Variants in B3GLCT observed in about 807,000 individuals in gnomAD.
B3GLCT encodes the protein beta-1,3-glucosyltransferase.
Under a neutral mutation model 63.4 loss-of-function variants are expected in B3GLCT, and 65 were observed. That is an observed-to-expected ratio of 1.03 (90% CI 0.84 to 1.26). The LOEUF (loss-of-function observed/expected upper bound fraction) is 1.26, where lower values mean the gene tolerates loss of function less well. B3GLCT is among the 50% of genes most tolerant of loss of function. The pLI is 0.00. For synonymous variants in B3GLCT, 233 were observed against 219.2 expected (o/e 1.06, Z -0.55); for missense variants, 577 against 604.8 (o/e 0.95, Z 0.48).
At chr13:31,327,637 A>T (rs1182846234) in intron 14 of B3GLCT, among the ~76,000 whole-genome samples, 2 of 152,134 alleles carry the variant, frequency 1.3e-5, no homozygotes, top group African/African-American at 4.8e-5. Context: ...AATTGAGAGG[A>T]TGTTTCTCCT....
chr13:31,215,991 T>C (rs866883231), intron 2 of B3GLCT, among the ~76,000 whole-genome samples: 3 of 152,200 alleles, frequency 2.0e-5, no homozygotes, highest in African/African-American at 7.2e-5. Context: ...AGGGAATGTC[T>C]CTAAATGTTT....
rs149901701 is a variant in B3GLCT, at chr13:31,211,463, T to A, written c.71-3588T>A. On this transcript the variant is annotated intron_variant, in intron 1 of 14. Transcript: ENST00000343307. ...TTGTTTTATGATTTGCTCCTACAAC[T>A]GAAAGTAACTCTGATGCATTTTTTA... Among the ~76,000 whole-genome samples the A allele has an allele frequency of 7.1e-4, 108 of 152,346 alleles. 1 individual carries two copies. Among genetic ancestry groups the A allele is most frequent in the African/African-American group, 2.5e-3 (105 of 41,578 alleles).
At chr13:31,316,407 T>TTATATATATATATATATATATA (rs71099949) in intron 12 of B3GLCT, among the ~76,000 whole-genome samples, 1,478 of 40,584 alleles carry the variant, frequency 0.036, 203 homozygotes, top group Non-Finnish European at 0.055. Context: ...TTTGGAGGTT[T>TTATATATATATATATATATATA]TATATATATA....
At chr13:31,253,792 A>T (rs1161873519) in intron 6 of B3GLCT, among the ~76,000 whole-genome samples, 1 of 152,016 alleles carries the variant, frequency 6.6e-6, no homozygotes, top group African/African-American at 2.4e-5. Context: ...TGCTAGCCAG[A>T]CTAATAAAGA....
chr13:31,263,066 G>A (rs1872119369), intron 7 of B3GLCT, among the ~76,000 whole-genome samples: 1 of 152,170 alleles, frequency 6.6e-6, no homozygotes, highest in African/African-American at 2.4e-5. Context: ...GAGGAAACCA[G>A]TGGGCCCAGG....
At chr13:31,250,901 C>G (rs1269694195) in intron 6 of B3GLCT, among the ~76,000 whole-genome samples, 2 of 152,152 alleles carry the variant, frequency 1.3e-5, no homozygotes, top group Non-Finnish European at 2.9e-5. Context: ...TCCCTGAACC[C>G]CCGTGTAGCC....
chr13:31,277,971 T>C (rs1447651014), intron 10 of B3GLCT, among the ~76,000 whole-genome samples: 1 of 152,194 alleles, frequency 6.6e-6, no homozygotes, highest in Non-Finnish European at 1.5e-5. Flanking sequence ...AATATCCTTT[T>C]ACTTTTTTCA....
chr13:31,272,507 T>C (rs1018378606), intron 8 of B3GLCT, among the ~76,000 whole-genome samples: 5 of 152,118 alleles, frequency 3.3e-5, no homozygotes, highest in African/African-American at 9.7e-5. Flanking sequence ...TGAGCCACCG[T>C]GCCCGGCCCC....
rs763387820 is a variant in B3GLCT at position 31,317,697 on chromosome 13, C to T, written c.1184+12C>T. 1 of 1,613,836 alleles carries T rather than the reference C, an allele frequency of 6.2e-7. No individual in the cohort carries two copies. Among genetic ancestry groups the T allele is most frequent in the Admixed American group, 1.7e-5 (1 of 59,992 alleles). ...ACGGGAGGAGGAGGGTAACTATGATCACAGCTTTCTTCAACTACTTTAAAC... is the reference window on the plus strand; with the variant it reads ...ACGGGAGGAGGAGGGTAACTATGATTACAGCTTTCTTCAACTACTTTAAAC... On this transcript the variant is annotated intron_variant, in intron 13 of 14. Transcript: ENST00000343307.
intron 3 of B3GLCT, among the ~76,000 whole-genome samples, chr13:31,227,591 T>C (rs990126858): frequency 6.6e-6 from 1 of 152,228 alleles, no homozygotes; most frequent in Non-Finnish European, 1.5e-5. Context: ...AATTAGGTCA[T>C]ATTCAGTAGG....
At chr13:31,231,224 A>T (rs1361925198) in intron 4 of B3GLCT, among the ~76,000 whole-genome samples, 1 of 152,038 alleles carries the variant, frequency 6.6e-6, no homozygotes, top group Admixed American at 6.6e-5. Flanking sequence ...TCCATCCCTC[A>T]GGTGGATCCA....
At chr13:31,315,171 A>G (rs1012693966) in intron 12 of B3GLCT, among the ~76,000 whole-genome samples, 2 of 152,222 alleles carry the variant, frequency 1.3e-5, no homozygotes, top group Non-Finnish European at 2.9e-5. Flanking sequence ...GGTGTTGCTG[A>G]AAAGATACTC....
intron 6 of B3GLCT, among the ~76,000 whole-genome samples, chr13:31,251,453 G>T (rs1038513906): frequency 6.6e-6 from 1 of 152,150 alleles, no homozygotes; most frequent in African/African-American, 2.4e-5. Flanking sequence ...CCAGTGCAAG[G>T]AAGCTAAGAA....
At chr13:31,259,824 T>G (rs185558317) in intron 6 of B3GLCT, among the ~76,000 whole-genome samples, 180 of 152,030 alleles carry the variant, frequency 1.2e-3, no homozygotes, top group African/African-American at 4.2e-3. Context: ...TGTTGTTTTC[T>G]GTTTTTTTTT....
Position 31,263,436 on chromosome 13 carries a change from T to C in B3GLCT, c.596+2354T>C, listed in dbSNP as rs549954258. 1.2e-4 allele frequency among the ~76,000 whole-genome samples: 18 copies of C among 152,332 alleles called. No homozygotes were observed. The East Asian group carries it at 3.3e-3, about 28-fold the overall frequency. ...ATAGGGCAGTTCAACCTAACTCTTA[T>C]GGCTGACATGCTGGCATTAAGTATA... On this transcript the variant is annotated intron_variant, in intron 7 of 14. Transcript: ENST00000343307.
intron 10 of B3GLCT, among the ~76,000 whole-genome samples, chr13:31,277,418 A>G (rs2137863664): frequency 6.6e-6 from 1 of 152,198 alleles, no homozygotes; most frequent in South Asian, 2.1e-4. Flanking sequence ...CTAAATATAA[A>G]TAGACATAAT....
Position 31,274,612 on chromosome 13 carries a change from C to A in B3GLCT, c.764C>A (p.Ser255Tyr), listed in dbSNP as rs1182400359. 5 of 1,614,208 alleles carry A rather than the reference C, an allele frequency of 3.1e-6. 1 individual carries two copies. Among genetic ancestry groups the A allele is most frequent in the Middle Eastern group, 3.3e-4 (2 of 6,062 alleles). Residue 255 changes from serine to tyrosine, a missense_variant, in exon 9 of 15, where the codon TCT (serine) becomes TAT (tyrosine). Ser to Tyr is a moderately radical substitution (Grantham distance 144). Coordinates refer to ENST00000343307, the MANE Select transcript of B3GLCT (RefSeq NM_194318.4). ...TTCTACTGTGCTACCACATTCCATT[C>A]TTTTCTACCGCTTTGTGTGAGTAAC... is the stretch of plus-strand genomic sequence containing the variant. ...VDFYCATTFH[S>Y]FLPLCRKPVK...
intron 10 of B3GLCT, among the ~76,000 whole-genome samples, chr13:31,281,740 C>T (rs546695414): frequency 2.6e-5 from 4 of 152,296 alleles, no homozygotes; most frequent in African/African-American, 9.6e-5. Context: ...GACTTGCACA[C>T]TGAGACAAAA....
intron 2 of B3GLCT, among the ~76,000 whole-genome samples, chr13:31,222,600 G>A (rs1869870997): frequency 6.6e-6 from 1 of 152,192 alleles, no homozygotes; most frequent in African/African-American, 2.4e-5. Flanking sequence ...AATGCTTTAT[G>A]GTTTACAGGG....
Sources: allele counts gnomAD v4.1 joint callset (sites outside exome capture counted in the v4.1 genomes callset), GRCh38; gene constraint gnomAD v4.1.1; transcripts MANE v1.5; gene names NCBI Gene and HGNC (gene_info 2026-07-23, HGNC 2026-07-21).